The following BTBD9 variants were observed in gnomAD, a reference collection of about 807,000 sequenced individuals.
BTBD9 encodes the protein BTB/POZ domain-containing protein 9.
In BTBD9, 49 loss-of-function variants were observed where a neutral mutation model predicts 64.3. The ratio of observed to expected loss-of-function variants is 0.76; its 90% CI spans 0.61 to 0.97. The LOEUF is 0.97. Ranked by LOEUF, BTBD9 falls within the 50% of genes least tolerant of loss-of-function variation. The pLI is 0.00. For missense variants in BTBD9, 598 were observed against 762.1 expected (o/e 0.78, Z 2.53); for synonymous variants, 260 against 274.7 (o/e 0.95, Z 0.53).
chr6:38,611,974 TATAA>T (rs2127513600), intron 1 of BTBD9, among the ~76,000 whole-genome samples: 1 of 152,360 alleles, frequency 6.6e-6, no homozygotes, highest in South Asian at 2.1e-4. Flanking sequence ...CTGTCAAGTC[TATAA>T]ATACTTTGAG....
chr6:38,478,211 T>C (rs192172152), intron 6 of BTBD9, among the ~76,000 whole-genome samples: 3 of 152,306 alleles, frequency 2.0e-5, no homozygotes, highest in Admixed American at 6.5e-5. Flanking sequence ...CGTGCGTATA[T>C]ATGTGAGGAG....
chr6:38,431,057 T>G (rs949530110), intron 6 of BTBD9, among the ~76,000 whole-genome samples: 6 of 151,946 alleles, frequency 3.9e-5, no homozygotes, highest in African/African-American at 4.9e-5. Flanking sequence ...TGTCTTGACC[T>G]CCAAAGGTGA....
intron 7 of BTBD9, among the ~76,000 whole-genome samples, chr6:38,292,629 T>C (rs1157598058): frequency 1.3e-5 from 2 of 152,212 alleles, no homozygotes; most frequent in Non-Finnish European, 2.9e-5. Context: ...TATTCTCTGA[T>C]GGTAGTTTAT....
chr6:38,299,936 C>T (rs1335303209), intron 7 of BTBD9, among the ~76,000 whole-genome samples: 1 of 152,138 alleles, frequency 6.6e-6, no homozygotes, highest in Non-Finnish European at 1.5e-5. Flanking sequence ...CTTGACCATG[C>T]CTATGTCCTG....
intron 6 of BTBD9, among the ~76,000 whole-genome samples, chr6:38,349,137 C>T (rs2127591837): frequency 6.6e-6 from 1 of 152,282 alleles, no homozygotes; most frequent in Middle Eastern, 3.4e-3. Context: ...ATTCACCTGC[C>T]TCAGCCTTCC....
chr6:38,353,590 A>C (rs577731701), intron 6 of BTBD9, among the ~76,000 whole-genome samples: 139 of 152,344 alleles, frequency 9.1e-4, no homozygotes, highest in Non-Finnish European at 1.3e-3. Context: ...GAAACCAAGA[A>C]GTATACTTTA....
In BTBD9 at chr6:38,396,897, CTTTTT is replaced by C. The variant is rs146597621; in HGVS notation, c.1155-51809_1155-51805del. ...TTCACTTGATTCTTTTTTTCTTTTT[CTTTTT>C]TTTTTTTTTTTTTTTTTGAGACAAG... On this transcript the variant is annotated intron_variant, in intron 6 of 10. Transcript: ENST00000481247. Among the ~76,000 whole-genome samples the C allele has an allele frequency of 3.5e-4, 38 of 107,376 alleles. No homozygotes were observed. The East Asian group carries it at 0.01, about 29-fold the overall frequency. 70.4% of individuals were successfully genotyped at this position (107,376 alleles called of 152,430 possible). A position where few individuals can be genotyped will look rare whatever the true frequency, so the allele number is the denominator to read the frequency against.
At chr6:38,526,589 C>T (rs1188013980) in intron 6 of BTBD9, among the ~76,000 whole-genome samples, 2 of 152,202 alleles carry the variant, frequency 1.3e-5, no homozygotes, top group Non-Finnish European at 2.9e-5. Flanking sequence ...GCCACAGATA[C>T]CAGACACCAG....
At chr6:38,216,919 T>C (rs1763025201) in intron 9 of BTBD9, among the ~76,000 whole-genome samples, 1 of 151,644 alleles carries the variant, frequency 6.6e-6, no homozygotes. Flanking sequence ...CACCTTGGGG[T>C]TTCAGATTCA....
chr6:38,531,040 G>T (rs1011179516), intron 6 of BTBD9, among the ~76,000 whole-genome samples: 1 of 152,042 alleles, frequency 6.6e-6, no homozygotes, highest in Non-Finnish European at 1.5e-5. Context: ...AAGGGGTGGG[G>T]GTAGAAAATT....
At chr6:38,295,290 G>A (rs940548856) in intron 7 of BTBD9, among the ~76,000 whole-genome samples, 1 of 151,632 alleles carries the variant, frequency 6.6e-6, no homozygotes, top group Non-Finnish European at 1.5e-5. Flanking sequence ...TCAGCCTCTC[G>A]AGTAGCTGGA....
chr6:38,613,392 C>T (rs972669056), intron 1 of BTBD9, among the ~76,000 whole-genome samples: 2 of 152,156 alleles, frequency 1.3e-5, no homozygotes, highest in Non-Finnish European at 2.9e-5. Context: ...GAGGCCAAGG[C>T]AGGTGGATTA....
intron 6 of BTBD9, among the ~76,000 whole-genome samples, chr6:38,374,307 G>GTAATATATATATATATACGTATA (rs1765576243): frequency 3.4e-5 from 2 of 59,094 alleles, no homozygotes; most frequent in Admixed American, 4.4e-4. Flanking sequence ...GTATATATAT[G>GTAATATATATATATATACGTATA]TATATATATA....
intron 6 of BTBD9, among the ~76,000 whole-genome samples, chr6:38,545,247 A>G (rs1417852168): frequency 6.6e-6 from 1 of 151,976 alleles, no homozygotes; most frequent in Non-Finnish European, 1.5e-5. Flanking sequence ...ATGTGCCACC[A>G]CAACCAAGTA....
intron 10 of BTBD9, 63 bp from the exon 11 acceptor site, chr6:38,175,245 C>A: frequency 6.4e-7 from 1 of 1,566,838 alleles, no homozygotes. Flanking sequence ...GGAGTTGCCG[C>A]AAGTTGGGAT....
intron 1 of BTBD9, among the ~76,000 whole-genome samples, chr6:38,623,431 A>C (rs1188707231): frequency 2.0e-5 from 3 of 152,182 alleles, no homozygotes; most frequent in Non-Finnish European, 4.4e-5. Flanking sequence ...AGGATTTTTC[A>C]GACAGTTTGC....
Position 38,598,118 on chromosome 6 carries a change from T to C in BTBD9, c.-24A>G, listed in dbSNP as rs1466991874. 5 of 1,605,338 alleles carry C rather than the reference T, an allele frequency of 3.1e-6. No homozygotes were observed. Among genetic ancestry groups the C allele is most frequent in the South Asian group, 1.1e-5 (1 of 89,872 alleles). On this transcript the variant is annotated 5_prime_UTR_variant, in exon 2 of 11. Transcript: ENST00000481247. The stretch of plus-strand genomic sequence containing the variant: ...ATCTTGTGGAATAGACGATAGTCGT[T>C]GTTCTATCATATAAAGAAGGAATGA...
chr6:38,601,065 T>A (rs371437605), intron 1 of BTBD9, among the ~76,000 whole-genome samples: 4 of 151,978 alleles, frequency 2.6e-5, no homozygotes, highest in Non-Finnish European at 5.9e-5. Flanking sequence ...AAAAAAAAGA[T>A]GCTCGAGTCC....
chr6:38,448,342 G>C (rs146378049), intron 6 of BTBD9, among the ~76,000 whole-genome samples: 2 of 152,104 alleles, frequency 1.3e-5, no homozygotes, highest in African/African-American at 4.8e-5. Context: ...GGAAGGTGAC[G>C]GTGGGAGATA....
Sources: gnomAD v4.1 joint callset for allele counts (sites outside exome capture counted in the v4.1 genomes callset) on GRCh38, gnomAD v4.1.1 for gene constraint, MANE v1.5 for transcripts, NCBI Gene and HGNC (gene_info 2026-07-23, HGNC 2026-07-21) for gene names.